RRM2: variants seen among roughly 807,000 people sequenced by gnomAD.
The protein encoded by RRM2 is ribonucleotide reductase regulatory subunit M2, also known as ribonucleoside-diphosphate reductase subunit M2.
In RRM2, 6 loss-of-function variants were observed where a neutral mutation model predicts 45.9. The ratio of observed to expected loss-of-function variants is 0.13; its 90% confidence interval spans 0.07 to 0.26. The LOEUF is 0.26. Ranked by LOEUF, RRM2 falls within the 10% of genes least tolerant of loss-of-function variation. The probability of loss-of-function intolerance (pLI) is 1.00; values close to 1 mark genes in which losing one functional copy is unlikely to be tolerated. For synonymous variants in RRM2, 177 were observed against 173.0 expected, an observed-to-expected ratio of 1.02 and a Z score of -0.18; for missense variants, 343 against 489.5, an observed-to-expected ratio of 0.70 and a Z score of 2.82.
chr2:10,199,327 C>G (rs1572533442), intron 3 of RRM2: 1 of 141,898 alleles, frequency 7.0e-6, no homozygotes, highest in South Asian at 2.2e-4. Flanking sequence ...AAATTGAAAA[C>G]ATTATTTTGG....
At chr2:10,193,619 C>T (rs1452094312) in intron 3 of RRM2, among the ~76,000 whole-genome samples, 1 of 152,238 alleles carries the variant, frequency 6.6e-6, no homozygotes, top group Non-Finnish European at 1.5e-5. Context: ...TAGCAAACAT[C>T]GCTGACTGCC....
intron 3 of RRM2, among the ~76,000 whole-genome samples, chr2:10,143,310 C>A (rs1024570439): frequency 1.3e-5 from 2 of 152,244 alleles, no homozygotes; most frequent in Non-Finnish European, 2.9e-5. Flanking sequence ...CCCTGGGAAC[C>A]TCCTCAGACC....
intron 3 of RRM2, among the ~76,000 whole-genome samples, chr2:10,188,217 G>C (rs948656594): frequency 6.6e-6 from 1 of 152,188 alleles, no homozygotes; most frequent in Admixed American, 6.5e-5. Flanking sequence ...GTCCTGCCTG[G>C]GGTCTGGTGC....
At position 10,171,489 on chromosome 2, in the gene RRM2, AAG is replaced by A. The variant is rs1289087985; in HGVS notation, n.482+29117_482+29118del. Reference sequence around the variant, plus strand: ...GGTGACATTTCTGCAATTGTTCCTAAAGAGGGGCCTGTGGGTCGAGTGAGCTA... The same window carrying A: ...GGTGACATTTCTGCAATTGTTCCTAAAGGGGCCTGTGGGTCGAGTGAGCTA... On this transcript the variant is annotated intron_variant and non_coding_transcript_variant, in intron 3 of 3. Transcript: ENST00000381786. This position sits in a 1 kb window ranked among gnomAD's most constrained non-coding sequence, Gnocchi z 4.1. 6.6e-6 allele frequency among the ~76,000 whole-genome samples: 1 copy of A among 152,158 alleles called. No homozygotes were observed. Among genetic ancestry groups the A allele is most frequent in the Non-Finnish European group, 1.5e-5 (1 of 68,024 alleles).
exon 1 of RRM2, chr2:10,141,618 G>A (rs185135807): frequency 6.7e-4 from 375 of 563,168 alleles, no homozygotes; most frequent in African/African-American, 6.2e-3. Context: ...TGTGCTTAAG[G>A]ATTCCAAGAT....
chr2:10,142,068 G>A (rs1663095569), intron 2 of RRM2: 6 of 1,599,262 alleles, frequency 3.8e-6, no homozygotes, highest in South Asian at 1.1e-5. Flanking sequence ...TGTGGGGATC[G>A]ACCACGTGGT....
rs551319995 is a variant in RRM2 at position 10,191,182 on chromosome 2, C to T, written n.483-19129C>T. ...TGTTTTCCATCTGCTCAACACTGCT[C>T]GTGCCTGGAGCCCCCCAGCTGTGCC... On this transcript the variant is annotated intron_variant and non_coding_transcript_variant, in intron 3 of 3. Coordinates refer to the RRM2 transcript ENST00000381786. Among the ~76,000 whole-genome samples, 5 of 152,274 alleles carry T rather than the reference C, an allele frequency of 3.3e-5. No homozygotes were observed. The South Asian group carries it at 8.3e-4, about 25-fold the overall frequency.
rs1664139962 is a variant in RRM2 at position 10,185,270 on chromosome 2, C to G, written n.483-25041C>G. Among the ~76,000 whole-genome samples, 1 of 139,642 alleles carries G rather than the reference C, an allele frequency of 7.2e-6. No individual in the cohort carries two copies. The highest frequency in any genetic ancestry group is 2.5e-5 in the African/African-American group (1 of 40,504). The allele number at this position is 139,642 out of a possible 152,430, so 91.6% of individuals were successfully genotyped here. ...GAGAGAGCGTGAAAGCGAGACAGAG[C>G]GTGAGAGTGAGAGAGAGAGAGAGAG... is the stretch of plus-strand genomic sequence containing the variant. On this transcript the variant is annotated intron_variant and non_coding_transcript_variant, in intron 3 of 3. Coordinates refer to the RRM2 transcript ENST00000381786. This position sits in a 1 kb window ranked among gnomAD's most constrained non-coding sequence, Gnocchi z 4.3.
At position 10,195,975 on chromosome 2, in the gene RRM2, C is replaced by T. The variant is rs1031734054; in HGVS notation, n.483-14336C>T. Among the ~76,000 whole-genome samples, 2 of 152,350 alleles carry T rather than the reference C, an allele frequency of 1.3e-5. No individual in the cohort carries two copies. Among genetic ancestry groups the T allele is most frequent in the South Asian group, 2.1e-4 (1 of 4,830 alleles). On this transcript the variant is annotated intron_variant and non_coding_transcript_variant, in intron 3 of 3. Transcript: ENST00000381786. This position sits in a 1 kb window ranked among gnomAD's most constrained non-coding sequence, Gnocchi z 4.9. ...AAATGGTGCCTGGTGCAGCTGCAGCCGTCTTGCTACCAGCAGGGCAAGGCA... is the reference window on the plus strand; with the variant it reads ...AAATGGTGCCTGGTGCAGCTGCAGCTGTCTTGCTACCAGCAGGGCAAGGCA...
At chr2:10,178,077 ACG>A (rs1663969170) in intron 3 of RRM2, among the ~76,000 whole-genome samples, 2 of 150,198 alleles carry the variant, frequency 1.3e-5, no homozygotes, top group Admixed American at 6.6e-5. Flanking sequence ...GCCCACCAAC[ACG>A]CCCGGCTAAT....
At chr2:10,137,645 C>T (rs1663013478), upstream of RRM2, among the ~76,000 whole-genome samples, 1 of 152,204 alleles carries the variant, frequency 6.6e-6, no homozygotes, top group Non-Finnish European at 1.5e-5. Flanking sequence ...CTCACATGCC[C>T]AAATGGAGCC....
Position 10,205,581 on chromosome 2 carries a change from T to A in RRM2, n.483-4730T>A, listed in dbSNP as rs2125335133. On this transcript the variant is annotated intron_variant and non_coding_transcript_variant, in intron 3 of 3. Coordinates refer to the RRM2 transcript ENST00000381786. This position sits in a 1 kb window ranked among gnomAD's most constrained non-coding sequence, Gnocchi z 4.8. The stretch of plus-strand genomic sequence containing the variant: ...AGACATGGAAAGGGAGAGAGATACC[T>A]TCCGTTTCAAGGAATATGCAGTTTG... Among the ~76,000 whole-genome samples, 2 of 152,352 alleles carry A rather than the reference T, an allele frequency of 1.3e-5. No homozygotes were observed. Among genetic ancestry groups the A allele is most frequent in the South Asian group, 4.1e-4 (2 of 4,828 alleles).
rs1218546089 is a variant in RRM2 at position 10,127,482 on chromosome 2, GT to G, written c.798+268del. On this transcript the variant is annotated intron_variant, in intron 7 of 9. Coordinates refer to ENST00000304567, the MANE Select transcript of RRM2 (RefSeq NM_001034.4). The surrounding 1 kb of genome is among the most constrained non-coding windows in gnomAD (Gnocchi z 4.1). ...GAATGCATAAAACTACAAGTTCTTT[GT>G]TTTTTGAGGTGACGGAATCTTGCTC... is the stretch of plus-strand genomic sequence containing the variant. The G allele has an allele frequency of 6.0e-6, 2 of 330,796 alleles. No individual in the cohort carries two copies. The highest frequency in any genetic ancestry group is 1.1e-5 in the Non-Finnish European group (2 of 180,334). The allele number at this position is 330,796 out of a possible 1,614,324, so 20.5% of individuals were successfully genotyped here.
intron 3 of RRM2, among the ~76,000 whole-genome samples, chr2:10,143,018 C>T (rs13399740): frequency 5.3e-5 from 8 of 152,158 alleles, no homozygotes; most frequent in Non-Finnish European, 7.4e-5. Context: ...GGACTACAGG[C>T]GCCCACCACC....
Position 10,195,367 on chromosome 2 carries a change from A to G in RRM2, n.483-14944A>G, listed in dbSNP as rs1664392768. 1.3e-5 allele frequency among the ~76,000 whole-genome samples: 2 copies of G among 151,922 alleles called. No homozygotes were observed. The highest frequency in any genetic ancestry group is 2.1e-4 in the South Asian group (1 of 4,818). On this transcript the variant is annotated intron_variant and non_coding_transcript_variant, in intron 3 of 3. Transcript: ENST00000381786. This position sits in a 1 kb window ranked among gnomAD's most constrained non-coding sequence, Gnocchi z 4.9. Reference sequence around the variant, plus strand: ...TGGACTTGGAAGGAAGGAAGAGCGGACACAGGGCCTCTGAGCGGACAGTGC... The same window carrying G: ...TGGACTTGGAAGGAAGGAAGAGCGGGCACAGGGCCTCTGAGCGGACAGTGC...
chr2:10,156,844 T>C (rs950658114), intron 3 of RRM2, among the ~76,000 whole-genome samples: 1 of 152,004 alleles, frequency 6.6e-6, no homozygotes. Context: ...TTCGCTATGC[T>C]GCCAGGCTGG....
chr2:10,171,893 G>T lies in RRM2; in HGVS notation n.482+29518G>T, dbSNP rs116332709. Among the ~76,000 whole-genome samples the T allele has an allele frequency of 9.6e-3, 1,458 of 152,296 alleles. 30 individuals carry two copies. Among genetic ancestry groups the T allele is most frequent in the African/African-American group, 0.034 (1,400 of 41,554 alleles). On this transcript the variant is annotated intron_variant and non_coding_transcript_variant, in intron 3 of 3. Coordinates refer to the RRM2 transcript ENST00000381786. The surrounding 1 kb of genome is among the most constrained non-coding windows in gnomAD (Gnocchi z 4.1). ...TATACAGAAACTTGGCCCTTGTGTT[G>T]CTCAGGATGAAGAGGAGAAGACAGG...
At position 10,123,730 on chromosome 2, in the gene RRM2, C is replaced by T. The variant is rs1483286104; in HGVS notation, c.319-6C>T. 3 of 1,560,532 alleles carry T rather than the reference C, an allele frequency of 1.9e-6. No individual in the cohort carries two copies. In the Admixed American group the frequency reaches 5.1e-5, roughly 26 times the overall value. ...TTATGCTAAAATTGTGACTTCCGAA[C>T]CTCAGGTGGACCTCTCCAAGGACAT... On this transcript the variant is annotated splice_region_variant and splice_polypyrimidine_tract_variant and intron_variant, in intron 3 of 9. Transcript: ENST00000304567.
intron 7 of RRM2, 111 bp from the exon 8 acceptor site, chr2:10,128,737 A>T: frequency 1.3e-6 from 1 of 763,320 alleles, no homozygotes; most frequent in Non-Finnish European, 2.3e-6. Flanking sequence ...TGCTCTCAGT[A>T]TGGCTGAGCA....
Sources: allele counts gnomAD v4.1 joint callset (sites outside exome capture counted in the v4.1 genomes callset), GRCh38; gene constraint gnomAD v4.1.1; non-coding constraint Gnocchi (gnomAD v3.1); transcripts MANE v1.5; gene names NCBI Gene and HGNC (gene_info 2026-07-23, HGNC 2026-07-21).